The following SEC14L5 variants were observed in gnomAD, a reference collection of about 807,000 sequenced individuals.
SEC14L5 encodes the protein SEC14-like protein 5.
SEC14L5 carries 96 observed loss-of-function variants against 84.6 expected under a neutral mutation model. The ratio of observed to expected loss-of-function variants is 1.13; its 90% CI spans 0.96 to 1.34. The LOEUF (loss-of-function observed/expected upper bound fraction) is 1.34, where lower values mean the gene tolerates loss of function less well. Ranked by LOEUF, SEC14L5 falls within the 40% of genes most tolerant of loss-of-function variation. The probability of loss-of-function intolerance (pLI) is 0.00; values close to 1 mark genes in which losing one functional copy is unlikely to be tolerated. For synonymous variants in SEC14L5, 546 were observed against 383.4 expected, an observed-to-expected ratio of 1.42 and a Z score of -4.95; for missense variants, 1,224 against 942.5, an observed-to-expected ratio of 1.30 and a Z score of -3.91.
chr16:4,971,469 A>G (rs566630197), intron 2 of SEC14L5, among the ~76,000 whole-genome samples: 2 of 152,224 alleles, frequency 1.3e-5, no homozygotes, highest in East Asian at 3.9e-4. Context: ...AAAAACAAAC[A>G]ACAATAACAA....
In SEC14L5 at chr16:4,959,265, C is replaced by T. The variant is rs1021381559; in HGVS notation, c.-51-8C>T. 1.5e-5 allele frequency: 21 copies of T among 1,375,496 alleles called. No homozygotes were observed. The highest frequency in any genetic ancestry group is 1.8e-4 in the Middle Eastern group (1 of 5,670). The allele number at this position is 1,375,496 out of a possible 1,614,324, so 85.2% of individuals were successfully genotyped here. The stretch of plus-strand genomic sequence containing the variant: ...AGCTGCAACCTCACCAGTCACTCCT[C>T]GCCCCAGGCTCTGTGCACACCCCTG... On this transcript the variant is annotated splice_region_variant and splice_polypyrimidine_tract_variant and intron_variant, in intron 1 of 15. Coordinates refer to ENST00000251170, the MANE Select transcript of SEC14L5 (RefSeq NM_014692.2).
chr16:5,007,481 C>A lies in SEC14L5; in HGVS notation c.1567C>A (p.His523Asn), dbSNP rs769884988. 3 of 1,613,216 alleles carry A rather than the reference C, an allele frequency of 1.9e-6. No individual in the cohort carries two copies. In the South Asian group the frequency reaches 3.3e-5, roughly 18 times the overall value. ...AGCCAGCGTGCTCCGCGGAGCCCCC[C>A]ACGAGGTGCCAGGGCCTGGCCGGGG... ...HSASVLRGAP[H>N]EVAVEILEGE... The change falls in exon 13 of 16, where the codon CAC becomes AAC. Residue 523 changes from histidine to asparagine, a missense_variant. Coordinates refer to ENST00000251170, the MANE Select transcript of SEC14L5 (RefSeq NM_014692.2).
rs1240529260 is a variant in SEC14L5, at chr16:5,015,969, C to T, written c.*999C>T. 6.6e-6 allele frequency: 1 copy of T among 152,208 alleles called. No individual in the cohort carries two copies. The highest frequency in any genetic ancestry group is 1.5e-5 in the Non-Finnish European group (1 of 68,036). The allele number at this position is 152,208 out of a possible 1,614,324, so 9.4% of individuals were successfully genotyped here. ...TATACCCCACTGGAGATGCCTTTCT[C>T]TCCTAGGGAACTGTTTAATTATGAC... On this transcript the variant is annotated 3_prime_UTR_variant, in exon 16 of 16. Coordinates refer to ENST00000251170, the MANE Select transcript of SEC14L5 (RefSeq NM_014692.2).
chr16:5,000,713 G>A lies in SEC14L5; in HGVS notation c.1029G>A (p.Lys343=). 1.3e-6 allele frequency: 2 copies of A among 1,552,506 alleles called. No individual in the cohort carries two copies. The highest frequency in any genetic ancestry group is 1.7e-6 in the Non-Finnish European group (2 of 1,147,646). The change falls in exon 9 of 16, where the codon AAG becomes AAA. Residue 343 remains lysine (K), a synonymous_variant. Coordinates refer to ENST00000251170, the MANE Select transcript of SEC14L5 (RefSeq NM_014692.2). ...LGQMDTKGLM[K]AVGEEALLRH... is the part of the protein sequence containing the mutation. Reference sequence around the variant, plus strand: ...AGATGGACACCAAAGGCTTGATGAAGGCCGTGGGGGAGGAGGCGCTGCTGC... The same window carrying A: ...AGATGGACACCAAAGGCTTGATGAAAGCCGTGGGGGAGGAGGCGCTGCTGC...
chr16:4,998,912 C>T (rs1175910361), intron 8 of SEC14L5, among the ~76,000 whole-genome samples: 1 of 152,112 alleles, frequency 6.6e-6, no homozygotes, highest in Non-Finnish European at 1.5e-5. Context: ...TTGTAACCCC[C>T]AAATCAGTAT....
chr16:5,003,386 G>T lies in SEC14L5; in HGVS notation c.1131-16G>T. ...GGCAGCAGAGCCAGGTGGAGCTGGG[G>T]CTATTTCTGCCACAGCTCCTGGACC... On this transcript the variant is annotated splice_polypyrimidine_tract_variant and intron_variant, in intron 10 of 15. Coordinates refer to ENST00000251170, the MANE Select transcript of SEC14L5 (RefSeq NM_014692.2). 6.2e-7 allele frequency: 1 copy of T among 1,608,282 alleles called. No homozygotes were observed. The highest frequency in any genetic ancestry group is 8.5e-7 in the Non-Finnish European group (1 of 1,177,370).
chr16:5,009,017 A>G (rs1182228161), intron 14 of SEC14L5, among the ~76,000 whole-genome samples: 3 of 152,176 alleles, frequency 2.0e-5, no homozygotes, highest in Admixed American at 2.0e-4. Context: ...ATGGCCTAAA[A>G]CAACAAAAAT....
chr16:4,977,434 G>A (rs571241875), intron 2 of SEC14L5, among the ~76,000 whole-genome samples: 3 of 97,530 alleles, frequency 3.1e-5, no homozygotes, highest in African/African-American at 1.2e-4. Context: ...GCGAAAGAGT[G>A]AGACTCCGTC....
chr16:5,012,213 G>A (rs1234193786), intron 15 of SEC14L5, among the ~76,000 whole-genome samples: 1 of 152,150 alleles, frequency 6.6e-6, no homozygotes, highest in Non-Finnish European at 1.5e-5. Context: ...TTGGCCATCG[G>A]TCCTCAGTGT....
At chr16:4,990,605 T>C (rs1955542128) in intron 4 of SEC14L5, among the ~76,000 whole-genome samples, 162 bp from the exon 5 acceptor site, 1 of 152,260 alleles carries the variant, frequency 6.6e-6, no homozygotes, top group African/African-American at 2.4e-5. Flanking sequence ...CATCGTTCTC[T>C]GGGTGGGGGC....
At chr16:4,971,283 A>T (rs999670906) in intron 2 of SEC14L5, among the ~76,000 whole-genome samples, 2 of 152,030 alleles carry the variant, frequency 1.3e-5, no homozygotes, top group African/African-American at 2.4e-5. Context: ...ACACAGTGAG[A>T]CCTTGTCTCT....
At chr16:4,975,439 C>T (rs541677138) in intron 2 of SEC14L5, among the ~76,000 whole-genome samples, 5 of 144,274 alleles carry the variant, frequency 3.5e-5, no homozygotes, top group Admixed American at 7.1e-5. Context: ...TGCCACTGCA[C>T]TCCAGCCCGG....
Position 5,011,121 on chromosome 16 carries a change from C to T in SEC14L5, c.1827C>T (p.Gly609=), listed in dbSNP as rs143088188. 10,128 of 1,607,888 alleles carry T rather than the reference C, an allele frequency of 6.3e-3. 34 individuals carry two copies. Among genetic ancestry groups the T allele is most frequent in the Non-Finnish European group, 7.7e-3 (9,104 of 1,177,388 alleles). ...IQGSHVTRWP[G]VYLLQWQMHS... The stretch of plus-strand genomic sequence containing the variant: ...GCTCCCATGTGACCCGGTGGCCCGG[C>T]GTCTACCTGCTCCAGTGGCAAATGC... Residue 609 remains glycine (G), a synonymous_variant, in exon 15 of 16, where the codon GGC becomes GGT. Transcript: ENST00000251170.
In SEC14L5 at chr16:5,017,589, A is replaced by G. The variant is rs1376057186; in HGVS notation, c.*2619A>G. Reference sequence around the variant, plus strand: ...CTCTGATTGGCCCAGCTCGAGTCACATGCTTATTCCTGTGGGCCACACTGG... The same window carrying G: ...CTCTGATTGGCCCAGCTCGAGTCACGTGCTTATTCCTGTGGGCCACACTGG... On this transcript the variant is annotated 3_prime_UTR_variant, in exon 16 of 16. Transcript: ENST00000251170. The G allele has an allele frequency of 1.3e-5, 2 of 152,220 alleles. No homozygotes were observed. The highest frequency in any genetic ancestry group is 2.4e-5 in the African/African-American group (1 of 41,456). 9.4% of individuals were successfully genotyped at this position (152,220 alleles called of 1,614,324 possible).
chr16:4,997,260 G>A (rs918410496), intron 8 of SEC14L5, among the ~76,000 whole-genome samples: 2 of 152,140 alleles, frequency 1.3e-5, no homozygotes, highest in Admixed American at 6.6e-5. Context: ...CACCACAGCT[G>A]GCTAATTTTT....
chr16:4,977,104 A>C (rs1955351373), intron 2 of SEC14L5, among the ~76,000 whole-genome samples: 2 of 152,312 alleles, frequency 1.3e-5, no homozygotes, highest in Middle Eastern at 3.4e-3. Flanking sequence ...AGGTCACAGC[A>C]ATGTTTAACA....
chr16:5,012,365 A>G (rs916612254), intron 15 of SEC14L5, among the ~76,000 whole-genome samples: 2 of 152,134 alleles, frequency 1.3e-5, no homozygotes, highest in African/African-American at 4.8e-5. Context: ...CCAACCTGTC[A>G]AGGGTGGTCA....
chr16:4,971,054 G>A (rs1049125770), intron 2 of SEC14L5, among the ~76,000 whole-genome samples: 2 of 148,064 alleles, frequency 1.4e-5, no homozygotes, highest in Non-Finnish European at 1.5e-5. Flanking sequence ...ATACAGAGCC[G>A]AGATTGCACC....
rs772902756 is a variant in SEC14L5 at position 4,991,845 on chromosome 16, A to T, written c.482A>T (p.Glu161Val). ...GGTCTCTCTGGCTTCCAGGGGAAGGAGGTGATTGAGCATTACCTGAATGAG... is the reference window on the plus strand; with the variant it reads ...GGTCTCTCTGGCTTCCAGGGGAAGGTGGTGATTGAGCATTACCTGAATGAG... ...QYTANVKRGK[E>V]VIEHYLNELI... The change falls in exon 6 of 16, where the codon GAG becomes GTG. Residue 161 changes from glutamate (E) to valine (V), a missense_variant. Glu to Val is a moderately radical substitution (Grantham distance 121). Transcript: ENST00000251170. 1 of 1,603,154 alleles carries T rather than the reference A, an allele frequency of 6.2e-7. No homozygotes were observed. Among genetic ancestry groups the T allele is most frequent in the Non-Finnish European group, 8.5e-7 (1 of 1,174,686 alleles).
Sources: gnomAD v4.1 joint callset for allele counts (sites outside exome capture counted in the v4.1 genomes callset) on GRCh38, gnomAD v4.1.1 for gene constraint, MANE v1.5 for transcripts, NCBI Gene and HGNC (gene_info 2026-07-23, HGNC 2026-07-21) for gene names.